EML6: variants seen among roughly 807,000 people sequenced by gnomAD.
EML6 encodes the protein echinoderm microtubule-associated protein-like 6.
A neutral mutation model predicts 240.1 loss-of-function variants in EML6; 154 were observed. The ratio of observed to expected loss-of-function variants is 0.64; its 90% CI spans 0.56 to 0.73. The LOEUF is 0.73. Ranked by LOEUF, EML6 falls within the 30% of genes least tolerant of loss-of-function variation. EML6 has a pLI of 0.00. For synonymous variants in EML6, 1,148 were observed against 899.0 expected, an observed-to-expected ratio of 1.28 and a Z score of -4.95; for missense variants, 2,964 against 2,474.6, an observed-to-expected ratio of 1.20 and a Z score of -4.20.
At chr2:54,735,431 G>C (rs140310556) in intron 2 of EML6, among the ~76,000 whole-genome samples, 3 of 152,212 alleles carry the variant, frequency 2.0e-5, no homozygotes, top group African/African-American at 7.2e-5. Context: ...TACATACTTC[G>C]TGAAGATAAA....
intron 25 of EML6, among the ~76,000 whole-genome samples, chr2:54,916,326 A>G (rs980713909): frequency 6.6e-6 from 1 of 152,210 alleles, no homozygotes; most frequent in Non-Finnish European, 1.5e-5. Flanking sequence ...AGGGTATGCT[A>G]CTGGCATCCA....
intron 2 of EML6, among the ~76,000 whole-genome samples, chr2:54,742,889 G>T (rs1281735489): frequency 6.6e-6 from 1 of 152,148 alleles, no homozygotes; most frequent in Non-Finnish European, 1.5e-5. Context: ...ATAGGTCTTT[G>T]GAAACTGTGA....
At chr2:54,935,055 A>G (rs1675067187) in intron 28 of EML6, among the ~76,000 whole-genome samples, 1 of 152,154 alleles carries the variant, frequency 6.6e-6, no homozygotes, top group Non-Finnish European at 1.5e-5. Flanking sequence ...TGTCTCTGGA[A>G]GGAATATTAT....
chr2:54,862,483 T>C (rs1670732003), intron 12 of EML6, among the ~76,000 whole-genome samples: 1 of 147,836 alleles, frequency 6.8e-6, no homozygotes, highest in Non-Finnish European at 1.5e-5. Context: ...CTGGGAACCA[T>C]CCAATCTGAG....
At chr2:54,894,030 A>G (rs943114129) in intron 19 of EML6, among the ~76,000 whole-genome samples, 4 of 152,170 alleles carry the variant, frequency 2.6e-5, no homozygotes, top group Admixed American at 2.6e-4. Context: ...ACAATATAAT[A>G]TATTGCATTT....
At chr2:54,949,041 G>C in intron 29 of EML6, 81 bp downstream of exon 29, 2 of 1,048,470 alleles carry the variant, frequency 1.9e-6, no homozygotes, top group Non-Finnish European at 2.9e-6. Context: ...ACGTCCCAAA[G>C]ACACAGTCAA....
intron 12 of EML6, among the ~76,000 whole-genome samples, chr2:54,861,217 G>C (rs1419707851): frequency 6.6e-6 from 1 of 152,120 alleles, no homozygotes; most frequent in Non-Finnish European, 1.5e-5. Flanking sequence ...ATAAATCTAA[G>C]CCTACCCATA....
chr2:54,949,529 A>G (rs987250287), intron 29 of EML6, among the ~76,000 whole-genome samples: 13 of 152,154 alleles, frequency 8.5e-5, no homozygotes, highest in Non-Finnish European at 7.4e-5. Flanking sequence ...TTTGAACTCA[A>G]TTGTTGAGAC....
intron 30 of EML6, among the ~76,000 whole-genome samples, chr2:54,951,072 G>C (rs1415735699): frequency 6.6e-6 from 1 of 152,098 alleles, no homozygotes; most frequent in Non-Finnish European, 1.5e-5. Context: ...CAAGAGACAG[G>C]GTGTAAGGAG....
intron 2 of EML6, among the ~76,000 whole-genome samples, chr2:54,783,957 A>G (rs1033663995): frequency 1.3e-5 from 2 of 151,144 alleles, no homozygotes; most frequent in African/African-American, 4.9e-5. Flanking sequence ...AACTGTTTCA[A>G]TTTTTTTTTG....
In EML6 at chr2:54,941,812, G is replaced by A. The variant is rs531166701; in HGVS notation, c.4005-7070G>A. ...ACTCCTGCTCCAGAGCCCTTCTCTC[G>A]AAGCTGCGTTCTTCTTCATCCCACC... On this transcript the variant is annotated intron_variant, in intron 28 of 41. Transcript: ENST00000356458. Among the ~76,000 whole-genome samples, 106 of 152,336 alleles carry A rather than the reference G, an allele frequency of 7.0e-4. 1 individual carries two copies. The highest frequency in any genetic ancestry group is 1.3e-3 in the Non-Finnish European group (88 of 68,028).
At chr2:54,817,122 G>T (rs1668115729) in intron 4 of EML6, among the ~76,000 whole-genome samples, 2 of 152,090 alleles carry the variant, frequency 1.3e-5, no homozygotes, top group Admixed American at 1.3e-4. Flanking sequence ...AATTTTTGAT[G>T]CTGGCATTTT....
intron 16 of EML6, among the ~76,000 whole-genome samples, chr2:54,877,972 G>A (rs780048945): frequency 6.6e-6 from 1 of 152,214 alleles, no homozygotes; most frequent in Admixed American, 6.5e-5. Context: ...CTCAAAGCAT[G>A]GGCATTGGTT....
At chr2:54,883,451 T>G (rs1671948884) in intron 17 of EML6, among the ~76,000 whole-genome samples, 1 of 152,204 alleles carries the variant, frequency 6.6e-6, no homozygotes, top group South Asian at 2.1e-4. Flanking sequence ...AGAACAAAAT[T>G]ACACACAGGA....
intron 17 of EML6, among the ~76,000 whole-genome samples, chr2:54,885,707 G>C (rs1366711991): frequency 6.6e-6 from 1 of 152,034 alleles, no homozygotes; most frequent in African/African-American, 2.4e-5. Context: ...CACCTCCCAG[G>C]TTCACGCCAT....
At chr2:54,969,922 G>A in intron 41 of EML6, 149 bp from the exon 42 acceptor site, 1 of 779,094 alleles carries the variant, frequency 1.3e-6, no homozygotes, top group South Asian at 1.6e-5. Flanking sequence ...TTAATTTGGT[G>A]GCAAGATCCC....
intron 26 of EML6, among the ~76,000 whole-genome samples, chr2:54,920,517 A>C (rs1297101255): frequency 1.3e-5 from 2 of 152,230 alleles, no homozygotes; most frequent in African/African-American, 4.8e-5. Context: ...TCTGTAATCA[A>C]GAACCTCCCA....
At chr2:54,964,465 T>G in intron 37 of EML6, 106 bp from the exon 38 acceptor site, 1 of 1,054,540 alleles carries the variant, frequency 9.5e-7, no homozygotes, top group South Asian at 1.7e-5. Flanking sequence ...ACAAGGTGGC[T>G]CTCATTGCCT....
intron 12 of EML6, 131 bp downstream of exon 12, chr2:54,859,832 TTAAGA>T: frequency 1.4e-6 from 1 of 709,550 alleles, no homozygotes; most frequent in South Asian, 2.6e-5. Context: ...TCTTAAAATT[TTAAGA>T]TAAGAAGAAA....
Sources: gnomAD v4.1 joint callset for allele counts (sites outside exome capture counted in the v4.1 genomes callset) on GRCh38, gnomAD v4.1.1 for gene constraint, MANE v1.5 for transcripts, NCBI Gene and HGNC (gene_info 2026-07-23, HGNC 2026-07-21) for gene names.